IFT52: variants seen among roughly 807,000 people sequenced by gnomAD.
IFT52 encodes intraflagellar transport protein 52 homolog.
Under a neutral mutation model 54.4 loss-of-function variants are expected in IFT52, and 44 were observed. The observed-to-expected ratio is 0.81, with a 90% confidence interval of 0.63 to 1.04. IFT52 has a LOEUF of 1.04. Among genes scored for constraint, IFT52 ranks in the 50% least tolerant of loss-of-function variants. IFT52 has a pLI of 0.00. For missense variants in IFT52, 452 were observed against 523.6 expected (o/e 0.86, Z 1.33); for synonymous variants, 181 against 185.3 (o/e 0.98, Z 0.19).
chr20:43,618,580 C>T (rs1180974892), intron 7 of IFT52, among the ~76,000 whole-genome samples: 6 of 152,086 alleles, frequency 3.9e-5, no homozygotes, highest in Non-Finnish European at 5.9e-5. Flanking sequence ...CTCCTAAGTT[C>T]AAGCGATTTC....
intron 12 of IFT52, among the ~76,000 whole-genome samples, chr20:43,639,236 C>CAA (rs1226726402): frequency 0.011 from 1,411 of 133,312 alleles, 21 homozygotes; most frequent in African/African-American, 0.024. Context: ...CCCATCTCTA[C>CAA]AAAAAAAAAA....
intron 10 of IFT52, among the ~76,000 whole-genome samples, chr20:43,634,753 C>G (rs1358480777): frequency 3.3e-5 from 5 of 151,888 alleles, no homozygotes; most frequent in African/African-American, 1.2e-4. Context: ...TGTGTTAAGC[C>G]TAGTATCCAT....
rs192288940 is a variant in IFT52 at position 43,613,492 on chromosome 20, T to A, written c.486-358T>A. On this transcript the variant is annotated intron_variant, in intron 6 of 13. Transcript: ENST00000373030. ...TTTTGTTTGATAATGAATCAAAGAG[T>A]GTTACTCAGCTGAGCACCGTGGCAC... 1.2e-4 allele frequency among the ~76,000 whole-genome samples: 19 copies of A among 152,204 alleles called. 1 individual carries two copies. The East Asian group carries it at 2.1e-3, about 17-fold the overall frequency.
At chr20:43,602,729 C>T (rs371580341) in intron 3 of IFT52, among the ~76,000 whole-genome samples, 35 of 152,168 alleles carry the variant, frequency 2.3e-4, no homozygotes, top group African/African-American at 8.4e-4. Context: ...AAGCTGGTCT[C>T]GAACTCCTCA....
chr20:43,632,556 C>T (rs1299897297), intron 10 of IFT52, among the ~76,000 whole-genome samples: 2 of 152,206 alleles, frequency 1.3e-5, no homozygotes, highest in African/African-American at 2.4e-5. Context: ...CCCCTGCACT[C>T]GGCCAGTTCC....
At chr20:43,594,210 A>C (rs1981751138) in intron 1 of IFT52, among the ~76,000 whole-genome samples, 1 of 152,128 alleles carries the variant, frequency 6.6e-6, no homozygotes, top group Admixed American at 6.5e-5. Flanking sequence ...CAGGAGGCTG[A>C]GGCAGGAGAA....
intron 3 of IFT52, among the ~76,000 whole-genome samples, chr20:43,599,781 T>C (rs890209081): frequency 7.2e-5 from 11 of 152,206 alleles, no homozygotes; most frequent in African/African-American, 2.7e-4. Context: ...TCTTTCCTTA[T>C]TTCCACCTCA....
chr20:43,641,538 G>C (rs1019761952), intron 12 of IFT52, among the ~76,000 whole-genome samples: 1 of 150,798 alleles, frequency 6.6e-6, no homozygotes, highest in African/African-American at 2.4e-5. Context: ...ACGTCCCCCA[G>C]GCTGGAGTGC....
At chr20:43,646,167 C>T (rs73624555) in intron 13 of IFT52, among the ~76,000 whole-genome samples, 98 of 148,216 alleles carry the variant, frequency 6.6e-4, no homozygotes, top group African/African-American at 2.3e-3. Context: ...GCCGAGATCA[C>T]GCCACTGCAC....
In IFT52 at chr20:43,591,270, G is replaced by A. The variant is rs148011161; in HGVS notation, c.-7+216G>A. ...CCTCGGGTGGTGCAGGTGTTTAGTC[G>A]TTCCGCTGACTATGAAAGAGCATGG... On this transcript the variant is annotated intron_variant, in intron 1 of 13. Coordinates refer to ENST00000373030, the MANE Select transcript of IFT52 (RefSeq NM_016004.5). Among the ~76,000 whole-genome samples, 12 of 152,360 alleles carry A rather than the reference G, an allele frequency of 7.9e-5. No homozygotes were observed. In the East Asian group the frequency reaches 1.9e-3, roughly 24 times the overall value.
chr20:43,627,782 G>A (rs1473912838), intron 10 of IFT52, among the ~76,000 whole-genome samples: 1 of 151,990 alleles, frequency 6.6e-6, no homozygotes, highest in Non-Finnish European at 1.5e-5. Flanking sequence ...TGCCCAGGCT[G>A]GTCTGGAACT....
chr20:43,605,300 C>CTT, intron 6 of IFT52: 1 of 1,177,048 alleles, frequency 8.5e-7, no homozygotes, highest in Non-Finnish European at 1.1e-6. Context: ...AATCCTAGCA[C>CTT]TTTTGGGAGG....
intron 6 of IFT52, among the ~76,000 whole-genome samples, chr20:43,608,374 G>C (rs1983145803): frequency 1.3e-5 from 2 of 151,836 alleles, no homozygotes; most frequent in African/African-American, 2.4e-5. Flanking sequence ...AGTAAACATC[G>C]TATCTCTTTC....
In IFT52 at chr20:43,603,906, T is replaced by C; in HGVS notation, c.337+17T>C. On this transcript the variant is annotated intron_variant, in intron 4 of 13. Transcript: ENST00000373030. ...TTAATAATGGTAATTAGTATTATTA[T>C]TTTCAGTAGAGGCAGTACTTTTCTA... The C allele has an allele frequency of 7.2e-7, 1 of 1,395,278 alleles. No individual in the cohort carries two copies. The highest frequency in any genetic ancestry group is 1.4e-5 in the African/African-American group (1 of 69,718). The allele number at this position is 1,395,278 out of a possible 1,614,324, so 86.4% of individuals were successfully genotyped here. A position where few individuals can be genotyped will look rare whatever the true frequency, so the allele number is the denominator to read the frequency against.
chr20:43,597,159 G>A (rs1982039139), intron 3 of IFT52, among the ~76,000 whole-genome samples: 1 of 151,814 alleles, frequency 6.6e-6, no homozygotes. Context: ...ATCACCTGAG[G>A]TCGGGAGTTC....
chr20:43,619,204 T>G (rs1266686057), intron 8 of IFT52, among the ~76,000 whole-genome samples, 178 bp downstream of exon 8: 1 of 152,116 alleles, frequency 6.6e-6, no homozygotes. Context: ...TTGGAAAAGT[T>G]TGTAATACAC....
chr20:43,609,768 T>C (rs1185050625), intron 6 of IFT52, among the ~76,000 whole-genome samples: 31 of 65,658 alleles, frequency 4.7e-4, no homozygotes, highest in Admixed American at 1.1e-3. Flanking sequence ...GGAGCGAAAC[T>C]CCGTCTCAAA....
intron 10 of IFT52, among the ~76,000 whole-genome samples, chr20:43,627,920 G>GT (rs1374147126): frequency 1.7e-5 from 1 of 58,172 alleles, no homozygotes. Context: ...GAGAGAGAGA[G>GT]AGTTTTTTTT....
At chr20:43,610,747 A>T (rs1368321459) in intron 6 of IFT52, among the ~76,000 whole-genome samples, 1 of 152,046 alleles carries the variant, frequency 6.6e-6, no homozygotes, top group Non-Finnish European at 1.5e-5. Context: ...TCAAAAAAAA[A>T]AGAAAAAAAA....
Sources: gnomAD v4.1 joint callset for allele counts (sites outside exome capture counted in the v4.1 genomes callset) on GRCh38, gnomAD v4.1.1 for gene constraint, MANE v1.5 for transcripts, NCBI Gene and HGNC (gene_info 2026-07-23, HGNC 2026-07-21) for gene names.